Variants in CFAP299 observed in about 807,000 individuals in gnomAD.
CFAP299 encodes the protein cilia- and flagella-associated protein 299.
CFAP299 carries 21 observed loss-of-function variants against 27.0 expected under a neutral mutation model. The observed-to-expected ratio is 0.78, with a 90% CI of 0.55 to 1.12. The LOEUF (loss-of-function observed/expected upper bound fraction) is 1.12, where lower values mean the gene tolerates loss of function less well. Among genes scored for constraint, CFAP299 ranks in the 50% most tolerant of loss-of-function variants. The pLI is 0.00. For synonymous variants in CFAP299, 104 were observed against 98.1 expected (o/e 1.06, Z -0.36); for missense variants, 310 against 276.6 (o/e 1.12, Z -0.86).
intron 1 of CFAP299, 148 bp from the exon 2 acceptor site, chr4:80,362,606 C>G (rs1723607467): frequency 1.2e-6 from 1 of 803,654 alleles, no homozygotes; most frequent in Non-Finnish European, 1.8e-6. Flanking sequence ...TTTTTTATAT[C>G]TAATAGATCA....
chr4:80,778,923 A>T (rs892573159), intron 3 of CFAP299, among the ~76,000 whole-genome samples: 7 of 152,110 alleles, frequency 4.6e-5, no homozygotes, highest in African/African-American at 1.7e-4. Context: ...CATGTAAATT[A>T]ACCCACAAAT....
chr4:80,833,700 T>C (rs1000709704), intron 3 of CFAP299, among the ~76,000 whole-genome samples: 10 of 152,184 alleles, frequency 6.6e-5, no homozygotes, highest in Non-Finnish European at 7.4e-5. Context: ...AAAACAGAAT[T>C]TCAACTGCAA....
intron 3 of CFAP299, among the ~76,000 whole-genome samples, chr4:80,647,002 T>A (rs1443378367): frequency 4.0e-5 from 6 of 150,448 alleles, no homozygotes; most frequent in Admixed American, 6.7e-5. Context: ...TGTGTGTGTG[T>A]GTGTGTGTGT....
At chr4:80,795,988 G>A (rs1004674383) in intron 3 of CFAP299, among the ~76,000 whole-genome samples, 2 of 152,144 alleles carry the variant, frequency 1.3e-5, no homozygotes, top group African/African-American at 4.8e-5. Flanking sequence ...TGGATTTGCT[G>A]GGTAATATAG....
Position 80,613,395 on chromosome 4 carries a change from G to A in CFAP299, c.333+30212G>A, listed in dbSNP as rs115750366. ...TACTGAATGATTTAACTCTAAAACT[G>A]ATGTAGTACGTATGTTAATTCAAAT... On this transcript the variant is annotated intron_variant, in intron 3 of 5. Transcript: ENST00000358105. 6.8e-3 allele frequency among the ~76,000 whole-genome samples: 1,036 copies of A among 152,138 alleles called. 17 individuals carry two copies. Among genetic ancestry groups the A allele is most frequent in the African/African-American group, 0.024 (995 of 41,474 alleles).
chr4:80,754,593 G>C (rs1475579241), intron 3 of CFAP299, among the ~76,000 whole-genome samples: 3 of 151,798 alleles, frequency 2.0e-5, no homozygotes, highest in African/African-American at 4.8e-5. Flanking sequence ...AACTCCAATA[G>C]ATCTGCACAT....
chr4:80,743,926 A>G (rs898605170), intron 3 of CFAP299, among the ~76,000 whole-genome samples: 1 of 152,220 alleles, frequency 6.6e-6, no homozygotes, highest in Non-Finnish European at 1.5e-5. Context: ...GATTGTTGCC[A>G]GATTATAAAT....
At chr4:80,852,477 T>A (rs1731582610) in intron 3 of CFAP299, among the ~76,000 whole-genome samples, 1 of 152,112 alleles carries the variant, frequency 6.6e-6, no homozygotes, top group Non-Finnish European at 1.5e-5. Context: ...AGTAATAAGA[T>A]AATAAGATAA....
chr4:80,916,749 T>C (rs751172083), intron 4 of CFAP299, among the ~76,000 whole-genome samples: 1 of 152,050 alleles, frequency 6.6e-6, no homozygotes, highest in Non-Finnish European at 1.5e-5. Context: ...TAAGAGAATA[T>C]GAATTATAAA....
chr4:80,512,664 G>A (rs1732374155), intron 2 of CFAP299, among the ~76,000 whole-genome samples: 1 of 152,024 alleles, frequency 6.6e-6, no homozygotes, highest in Non-Finnish European at 1.5e-5. Flanking sequence ...CAGCTGTGGG[G>A]ACTTATCTTG....
intron 2 of CFAP299, among the ~76,000 whole-genome samples, chr4:80,470,019 C>T (rs932369156): frequency 3.9e-5 from 6 of 152,012 alleles, no homozygotes; most frequent in East Asian, 1.9e-4. Flanking sequence ...TCTCCATTTG[C>T]GCTGAAGGAA....
intron 3 of CFAP299, among the ~76,000 whole-genome samples, chr4:80,672,928 A>T (rs563741422): frequency 2.6e-5 from 3 of 115,276 alleles, no homozygotes; most frequent in African/African-American, 3.1e-5. Context: ...TGGTCTATCA[A>T]TTTTGTTGAT....
chr4:80,585,445 T>A (rs572251233), intron 3 of CFAP299, among the ~76,000 whole-genome samples: 4 of 152,322 alleles, frequency 2.6e-5, no homozygotes, highest in African/African-American at 9.6e-5. Flanking sequence ...ATTACTAAGT[T>A]ATTTTTTTCC....
chr4:80,448,239 A>C (rs969849720), intron 2 of CFAP299, among the ~76,000 whole-genome samples: 1 of 152,216 alleles, frequency 6.6e-6, no homozygotes, highest in Non-Finnish European at 1.5e-5. Flanking sequence ...TCTGGTGTTG[A>C]AAATGTCAGA....
intron 2 of CFAP299, 67 bp downstream of exon 2, chr4:80,362,951 G>A (rs891177470): frequency 6.7e-5 from 100 of 1,482,074 alleles, no homozygotes; most frequent in Admixed American, 6.3e-4. Context: ...ATTCAATTTC[G>A]TTTGCATTGT....
intron 2 of CFAP299, among the ~76,000 whole-genome samples, chr4:80,563,518 A>T (rs912850317): frequency 6.6e-6 from 1 of 152,112 alleles, no homozygotes; most frequent in Non-Finnish European, 1.5e-5. Context: ...GAAACACAAC[A>T]TATCAAAATC....
chr4:80,816,486 T>A (rs1450073620), intron 3 of CFAP299, among the ~76,000 whole-genome samples: 1 of 152,150 alleles, frequency 6.6e-6, no homozygotes, highest in African/African-American at 2.4e-5. Context: ...CAATTTTGAT[T>A]CCAATTTAGC....
intron 3 of CFAP299, among the ~76,000 whole-genome samples, chr4:80,854,810 GAAAAAAAAAAAA>G (rs58533748): frequency 2.1e-4 from 9 of 43,380 alleles, no homozygotes; most frequent in East Asian, 7.4e-4. Flanking sequence ...CTGTTGCTAT[GAAAAAAAAAAAA>G]AAAAAAAAAA....
chr4:80,907,822 C>T (rs1382496536), intron 4 of CFAP299, among the ~76,000 whole-genome samples: 10 of 151,950 alleles, frequency 6.6e-5, no homozygotes, highest in South Asian at 2.1e-4. Context: ...TGTCAGTTCT[C>T]GAAAGAAATT....
Sources: allele counts gnomAD v4.1 joint callset (sites outside exome capture counted in the v4.1 genomes callset), GRCh38; gene constraint gnomAD v4.1.1; transcripts MANE v1.5; gene names NCBI Gene and HGNC (gene_info 2026-07-23, HGNC 2026-07-21).